ANKRD30B: variants seen among roughly 807,000 people sequenced by gnomAD.
ANKRD30B encodes ankyrin repeat domain 30B.
In ANKRD30B, 144 loss-of-function variants were observed where a neutral mutation model predicts 202.2. That is an observed-to-expected ratio of 0.71 (90% CI 0.62 to 0.82). The LOEUF (loss-of-function observed/expected upper bound fraction) is 0.82. Ranked by LOEUF, ANKRD30B falls within the 40% of genes least tolerant of loss-of-function variation. The probability of loss-of-function intolerance (pLI) is 0.00; values close to 1 mark genes in which losing one functional copy is unlikely to be tolerated. For synonymous variants in ANKRD30B, 508 were observed against 561.3 expected, an observed-to-expected ratio of 0.91 and a Z score of 1.34; for missense variants, 1,487 against 1,669.1, an observed-to-expected ratio of 0.89 and a Z score of 1.90.
chr18:14,869,017 C>A, the ANKRD30B span, among the ~76,000 whole-genome samples: 1 of 152,188 alleles, frequency 6.6e-6, no homozygotes, highest in Non-Finnish European at 1.5e-5. Context: ...TCTCAGGCAC[C>A]CTAGTGGGGG....
intron 32 of ANKRD30B, among the ~76,000 whole-genome samples, chr18:14,827,112 A>G (rs1235394608): frequency 3.3e-5 from 5 of 152,258 alleles, no homozygotes; most frequent in Admixed American, 2.0e-4. Flanking sequence ...CTGACCACAC[A>G]TCAGAAGGAG....
rs1399176617 is a variant in ANKRD30B, at chr18:14,854,666, C to CA, written c.*509dup. On this transcript the variant is annotated 3_prime_UTR_variant, in exon 44 of 44. Transcript: ENST00000690538. ...GAACACTTTTTTATAATTATAAAAA[C>CA]ACAAATTTCCTTGTTTTGTGGAAAT... Among the ~76,000 whole-genome samples the CA allele has an allele frequency of 1.3e-5, 2 of 152,088 alleles. No individual in the cohort carries two copies. Among genetic ancestry groups the CA allele is most frequent in the African/African-American group, 4.8e-5 (2 of 41,422 alleles).
intron 16 of ANKRD30B, among the ~76,000 whole-genome samples, chr18:14,795,218 A>G (rs1467925919): frequency 1.2e-4 from 18 of 151,780 alleles, no homozygotes; most frequent in Non-Finnish European, 1.6e-4. Context: ...TTTTGTTGAG[A>G]CAGAGTCTCG....
chr18:14,817,444 G>A (rs1405663925), intron 30 of ANKRD30B, among the ~76,000 whole-genome samples: 2 of 152,146 alleles, frequency 1.3e-5, no homozygotes, highest in Non-Finnish European at 2.9e-5. Flanking sequence ...AACTTCAGGG[G>A]TAATCAGATC....
chr18:14,874,296 T>G, the ANKRD30B span, among the ~76,000 whole-genome samples: 1 of 152,198 alleles, frequency 6.6e-6, no homozygotes. Flanking sequence ...TCACCCACAT[T>G]TCACGTTAAT....
the ANKRD30B span, among the ~76,000 whole-genome samples, chr18:14,889,437 G>A: frequency 6.6e-5 from 10 of 152,098 alleles, no homozygotes; most frequent in African/African-American, 2.4e-4. Context: ...GCCTGTTCCA[G>A]GCATTATACT....
rs1227574679 is a variant in ANKRD30B at position 14,750,738 on chromosome 18, C to G, written c.222-1828C>G. ...CAGCATGGGATAATATGTGACCACT[C>G]AAGGTAGAAACATATACGGAAGTAT... On this transcript the variant is annotated intron_variant, in intron 1 of 43. Transcript: ENST00000690538. Among the ~76,000 whole-genome samples the G allele has an allele frequency of 4.6e-5, 7 of 152,002 alleles. 1 individual carries two copies. The South Asian group carries it at 8.3e-4, about 18-fold the overall frequency.
intron 24 of ANKRD30B, among the ~76,000 whole-genome samples, chr18:14,806,158 T>C (rs1464564210): frequency 6.8e-6 from 1 of 148,098 alleles, no homozygotes; most frequent in South Asian, 2.2e-4. Flanking sequence ...AGGTGGAGCT[T>C]ACAGTCAGCC....
chr18:14,819,665 ATAG>A (rs1970307229), intron 30 of ANKRD30B, among the ~76,000 whole-genome samples: 1 of 151,910 alleles, frequency 6.6e-6, no homozygotes, highest in Admixed American at 6.6e-5. Flanking sequence ...CAAAGATCAG[ATAG>A]TTGTAGATAT....
chr18:14,790,243 T>A (rs1968381595), intron 15 of ANKRD30B, among the ~76,000 whole-genome samples: 1 of 152,208 alleles, frequency 6.6e-6, no homozygotes, highest in Non-Finnish European at 1.5e-5. Context: ...TGATTTTGTA[T>A]CCTGAGATTT....
the ANKRD30B span, among the ~76,000 whole-genome samples, chr18:14,876,364 C>T: frequency 6.6e-6 from 1 of 152,194 alleles, no homozygotes; most frequent in Admixed American, 6.5e-5. Flanking sequence ...GCACAAATTT[C>T]AGATGCTTCT....
intron 30 of ANKRD30B, chr18:14,816,957 T>G (rs1489861621): frequency 6.6e-6 from 1 of 152,272 alleles, no homozygotes; most frequent in East Asian, 1.9e-4. Flanking sequence ...CTCCGGGGAC[T>G]GTTGTGGGGT....
chr18:14,789,799 T>C (rs1968343103), intron 15 of ANKRD30B, among the ~76,000 whole-genome samples: 1 of 152,194 alleles, frequency 6.6e-6, no homozygotes, highest in South Asian at 2.1e-4. Context: ...TGAAGCCTTG[T>C]AGTATAGTTT....
the ANKRD30B span, among the ~76,000 whole-genome samples, chr18:14,928,048 A>T: frequency 6.6e-6 from 1 of 151,978 alleles, no homozygotes; most frequent in Non-Finnish European, 1.5e-5. Context: ...GCTCACTGCA[A>T]CTTCTCTCTC....
At chr18:14,841,740 G>T (rs1476776398) in intron 37 of ANKRD30B, among the ~76,000 whole-genome samples, 1 of 152,152 alleles carries the variant, frequency 6.6e-6, no homozygotes, top group Non-Finnish European at 1.5e-5. Context: ...GTTTCTGAAA[G>T]GAAATTTGAG....
At position 14,837,281 on chromosome 18, in the gene ANKRD30B, A is replaced by T. The variant is rs1385583023; in HGVS notation, c.2918A>T (p.Asp973Val). The T allele has an allele frequency of 1.1e-5, 17 of 1,544,762 alleles. No individual in the cohort carries two copies. The highest frequency in any genetic ancestry group is 1.4e-5 in the Non-Finnish European group (16 of 1,143,850). The change falls in exon 35 of 44, where the codon GAT becomes GTT. Residue 973 changes from aspartate (D) to valine (V), a missense_variant. By Grantham distance (152) the Asp-to-Val change is radical. This residue lies in a region of ANKRD30B where 218 missense variants were observed against 320.1 expected (regional missense o/e 0.68). Coordinates refer to ENST00000690538, the MANE Select transcript of ANKRD30B (RefSeq NM_001367607.2). Reference sequence around the variant, plus strand: ...GGCATTATTGAACGAGCTCCACAAGATCAAACAAGTAATGACAATTTTATT... The same window carrying T: ...GGCATTATTGAACGAGCTCCACAAGTTCAAACAAGTAATGACAATTTTATT... ...DIGIIERAPQ[D>V]QTNKMPTSEL... is the part of the protein sequence containing the mutation.
rs1429166532 is a variant in ANKRD30B at position 14,810,007 on chromosome 18, T to C, written c.2408T>C (p.Leu803Pro). 2.1e-6 allele frequency: 3 copies of C among 1,427,206 alleles called. No individual in the cohort carries two copies. Among genetic ancestry groups the C allele is most frequent in the Non-Finnish European group, 2.9e-6 (3 of 1,020,932 alleles). The allele number at this position is 1,427,206 out of a possible 1,614,324, so 88.4% of individuals were successfully genotyped here. A position where few individuals can be genotyped will look rare whatever the true frequency, so the allele number is the denominator to read the frequency against. ...TTAGAGTCTCCTGATAAAGATGGTC[T>C]TCTGAAGGTAATAACTTTTATATTT... ...LKAESPDKDG[L>P]LKPTCVRKVS... Residue 803 changes from leucine (L) to proline (P), a missense_variant, in exon 27 of 44, where the codon CTT becomes CCT. Leu to Pro is a moderately conservative substitution (Grantham distance 98). Transcript: ENST00000690538.
the ANKRD30B span, among the ~76,000 whole-genome samples, chr18:14,931,694 A>G: frequency 6.6e-6 from 1 of 152,114 alleles, no homozygotes; most frequent in Non-Finnish European, 1.5e-5. Context: ...TGTGCCCCAC[A>G]GCGCACACAG....
intron 6 of ANKRD30B, among the ~76,000 whole-genome samples, chr18:14,763,420 G>A (rs1290722905): frequency 2.6e-5 from 4 of 152,076 alleles, no homozygotes; most frequent in African/African-American, 9.7e-5. Flanking sequence ...TGTGGCCTGT[G>A]CCTGTAATCC....
Sources: allele counts gnomAD v4.1 joint callset (sites outside exome capture counted in the v4.1 genomes callset), GRCh38; gene constraint gnomAD v4.1.1; regional missense constraint gnomAD v4.1.1; transcripts MANE v1.5; gene names NCBI Gene and HGNC (gene_info 2026-07-23, HGNC 2026-07-21).